The following ATP8B4 variants were observed in gnomAD, a reference collection of about 807,000 sequenced individuals.
ATP8B4 encodes the protein probable phospholipid-transporting ATPase IM.
In ATP8B4, 133 loss-of-function variants were observed where a neutral mutation model predicts 145.6. That is an observed-to-expected ratio of 0.91 (90% CI 0.79 to 1.05). The LOEUF (loss-of-function observed/expected upper bound fraction) is 1.05, where lower values mean the gene tolerates loss of function less well. Ranked by LOEUF, ATP8B4 falls within the 50% of genes least tolerant of loss-of-function variation. The pLI is 0.00. For missense variants in ATP8B4, 1,458 were observed against 1,425.2 expected, an observed-to-expected ratio of 1.02 and a Z score of -0.37; for synonymous variants, 507 against 492.9, an observed-to-expected ratio of 1.03 and a Z score of -0.38.
chr15:49,959,999 G>A (rs2153505923), intron 14 of ATP8B4, among the ~76,000 whole-genome samples: 1 of 150,648 alleles, frequency 6.6e-6, no homozygotes, highest in East Asian at 2.0e-4. Flanking sequence ...CTTACCAAAT[G>A]TTAGAGCCTT....
At position 50,129,480 on chromosome 15, in the gene ATP8B4, T is replaced by C. The variant is rs1483587875; in HGVS notation, c.-42-22472A>G. The stretch of plus-strand genomic sequence containing the variant: ...TCCACACTCTCCCTCTATCAACACA[T>C]GGCATGCCCTTTGTGCGTCTTCTCT... On this transcript the variant is annotated intron_variant, in intron 1 of 3. Transcript: ENST00000558829. Among the ~76,000 whole-genome samples, 4 of 152,294 alleles carry C rather than the reference T, an allele frequency of 2.6e-5. 1 individual carries two copies. The highest frequency in any genetic ancestry group is 4.1e-4 in the South Asian group (2 of 4,824).
chr15:49,976,538 G>C (rs1362769668), intron 12 of ATP8B4, among the ~76,000 whole-genome samples: 1 of 152,044 alleles, frequency 6.6e-6, no homozygotes, highest in East Asian at 1.9e-4. Context: ...AGCCAGTGCA[G>C]AACAGGCCTT....
chr15:49,935,587 A>T (rs1294269780), intron 14 of ATP8B4, among the ~76,000 whole-genome samples: 1 of 152,148 alleles, frequency 6.6e-6, no homozygotes, highest in Non-Finnish European at 1.5e-5. Context: ...ACATTAAGGC[A>T]TATCTAGTAA....
upstream of ATP8B4, among the ~76,000 whole-genome samples, chr15:50,120,100 G>A (rs2057251742): frequency 6.6e-6 from 1 of 152,202 alleles, no homozygotes. Flanking sequence ...TCCAGAAGTT[G>A]CATCAGATTT....
At chr15:50,006,369 GAGAGACAGAA>G (rs1379729751) in intron 7 of ATP8B4, among the ~76,000 whole-genome samples, 2 of 150,790 alleles carry the variant, frequency 1.3e-5, no homozygotes, top group Non-Finnish European at 2.9e-5. Flanking sequence ...ATATCAGAGA[GAGAGACAGAA>G]AGAGATAGAA....
chr15:50,176,917 T>A (rs1434508844), intron 1 of ATP8B4, among the ~76,000 whole-genome samples: 1 of 152,206 alleles, frequency 6.6e-6, no homozygotes, highest in Admixed American at 6.5e-5. Flanking sequence ...CACCTTTTTT[T>A]CATTCTCCAA....
At chr15:49,882,790 G>A (rs767486626) in intron 23 of ATP8B4, among the ~76,000 whole-genome samples, 5 of 152,170 alleles carry the variant, frequency 3.3e-5, no homozygotes, top group Admixed American at 6.5e-5. Flanking sequence ...AAGAGGTCTC[G>A]AGGAAAAGCA....
intron 3 of ATP8B4, among the ~76,000 whole-genome samples, chr15:50,070,189 T>A (rs974045623): frequency 1.3e-5 from 2 of 152,172 alleles, no homozygotes; most frequent in Admixed American, 6.5e-5. Flanking sequence ...CCCTGGGATA[T>A]GCTGAAGTCT....
intron 3 of ATP8B4, among the ~76,000 whole-genome samples, chr15:50,067,768 GC>G (rs1157635823): frequency 6.6e-6 from 1 of 151,912 alleles, no homozygotes; most frequent in Non-Finnish European, 1.5e-5. Context: ...GCACTTTGGG[GC>G]CCACCTAAAC....
At chr15:49,897,194 T>C (rs768985506) in intron 23 of ATP8B4, 98 bp downstream of exon 23, 1 of 1,175,698 alleles carries the variant, frequency 8.5e-7, no homozygotes, top group Non-Finnish European at 1.2e-6. Flanking sequence ...TAAAAAATGC[T>C]CTGAATTTAT....
intron 1 of ATP8B4, among the ~76,000 whole-genome samples, chr15:50,166,605 G>A (rs570900273): frequency 5.3e-5 from 8 of 152,224 alleles, no homozygotes; most frequent in Non-Finnish European, 1.2e-4. Context: ...ACTGGACCAG[G>A]ACCATGCATC....
At chr15:49,883,699 T>C (rs1241850586) in intron 23 of ATP8B4, among the ~76,000 whole-genome samples, 1 of 152,172 alleles carries the variant, frequency 6.6e-6, no homozygotes, top group Non-Finnish European at 1.5e-5. Flanking sequence ...CTCCATGATG[T>C]GCTTATTTCA....
chr15:50,054,257 T>C (rs998655402), intron 3 of ATP8B4, among the ~76,000 whole-genome samples: 9 of 152,060 alleles, frequency 5.9e-5, no homozygotes, highest in Admixed American at 2.6e-4. Flanking sequence ...GCACCCACCA[T>C]CTCCAATGCT....
chr15:50,115,847 C>T (rs754046864), intron 1 of ATP8B4, among the ~76,000 whole-genome samples: 1 of 152,208 alleles, frequency 6.6e-6, no homozygotes, highest in African/African-American at 2.4e-5. Context: ...GATAAGGTGA[C>T]AGAGAGCATT....
intron 2 of ATP8B4, among the ~76,000 whole-genome samples, chr15:50,082,622 A>G (rs2054626273): frequency 6.6e-6 from 1 of 152,248 alleles, no homozygotes; most frequent in African/African-American, 2.4e-5. Context: ...CTTCTAGGAT[A>G]CATGAACTGG....
At chr15:50,068,605 ACC>A (rs2053537302) in intron 3 of ATP8B4, among the ~76,000 whole-genome samples, 3 of 152,214 alleles carry the variant, frequency 2.0e-5, no homozygotes, top group African/African-American at 7.2e-5. Context: ...AAAACTGCCT[ACC>A]TACCTTTGTG....
chr15:50,147,721 T>C (rs920218734), intron 1 of ATP8B4, among the ~76,000 whole-genome samples: 12 of 152,000 alleles, frequency 7.9e-5, no homozygotes, highest in South Asian at 2.1e-4. Context: ...AAAGAATATA[T>C]AACATTGAAT....
intron 1 of ATP8B4, among the ~76,000 whole-genome samples, chr15:50,147,365 G>A (rs1450557562): frequency 6.9e-6 from 1 of 145,302 alleles, no homozygotes; most frequent in African/African-American, 2.6e-5. Flanking sequence ...GCAGTGAACA[G>A]AGATCACACC....
chr15:50,082,297 T>C (rs1048940755), intron 2 of ATP8B4, among the ~76,000 whole-genome samples: 2 of 152,166 alleles, frequency 1.3e-5, no homozygotes, highest in Admixed American at 6.5e-5. Flanking sequence ...CAGTTGGGGT[T>C]TCCTATTGAA....
Sources: allele counts gnomAD v4.1 joint callset (sites outside exome capture counted in the v4.1 genomes callset), GRCh38; gene constraint gnomAD v4.1.1; transcripts MANE v1.5; gene names NCBI Gene and HGNC (gene_info 2026-07-23, HGNC 2026-07-21).